RAPGEF2: variants seen among roughly 807,000 people sequenced by gnomAD.
RAPGEF2 encodes PDZ domain containing guanine nucleotide exchange factor (GEF) 1.
In RAPGEF2, 54 loss-of-function variants were observed where a neutral mutation model predicts 186.7. The observed-to-expected ratio is 0.29, with a 90% CI of 0.23 to 0.36. The LOEUF (loss-of-function observed/expected upper bound fraction) is 0.36, where lower values mean the gene tolerates loss of function less well. Among genes scored for constraint, RAPGEF2 ranks in the 10% least tolerant of loss-of-function variants. The pLI, the probability that RAPGEF2 is intolerant of heterozygous loss-of-function variation, is 1.00. For synonymous variants in RAPGEF2, 712 were observed against 705.9 expected (o/e 1.01, Z -0.14); for missense variants, 1,532 against 2,045.0 (o/e 0.75, Z 4.84).
At chr4:159,202,949 A>G (rs756614056) in intron 3 of RAPGEF2, among the ~76,000 whole-genome samples, 2 of 152,138 alleles carry the variant, frequency 1.3e-5, no homozygotes, top group Non-Finnish European at 2.9e-5. Context: ...AAGTTTTCAC[A>G]TTGTATTAAC....
chr4:159,119,647 G>C (rs756027197), intron 1 of RAPGEF2, among the ~76,000 whole-genome samples: 1 of 152,078 alleles, frequency 6.6e-6, no homozygotes, highest in Non-Finnish European at 1.5e-5. Flanking sequence ...TCAACTTCTT[G>C]GTTCGCTTAT....
At position 159,104,489 on chromosome 4, in the gene RAPGEF2, CGAGAGAGAGAGAGAGA is replaced by C. The variant is rs553251268; in HGVS notation, c.69+280_69+295del. Among the ~76,000 whole-genome samples, 34 of 88,802 alleles carry C rather than the reference CGAGAGAGAGAGAGAGA, an allele frequency of 3.8e-4. No homozygotes were observed. In the East Asian group the frequency reaches 4.4e-3, roughly 12 times the overall value. 58.3% of individuals were successfully genotyped at this position (88,802 alleles called of 152,430 possible). On this transcript the variant is annotated intron_variant, in intron 1 of 29. Transcript: ENST00000691494. ...GACCTTTCCCACTATGTTGCCCAGC[CGAGAGAGAGAGAGAGA>C]GAGAGAGAGAGAGAGAGAGAGGGAG... is the stretch of plus-strand genomic sequence containing the variant.
intron 4 of RAPGEF2, among the ~76,000 whole-genome samples, chr4:159,218,563 C>G (rs1464741047): frequency 1.3e-5 from 2 of 152,126 alleles, no homozygotes; most frequent in African/African-American, 4.8e-5. Flanking sequence ...CAAGAACAGC[C>G]TGGCCAACAT....
intron 17 of RAPGEF2, 85 bp from the exon 18 acceptor site, chr4:159,338,226 T>C (rs1767746647): frequency 8.2e-7 from 1 of 1,221,014 alleles, no homozygotes. Context: ...AAATGGAATA[T>C]GGTTTTTGGT....
intron 28 of RAPGEF2, 25 bp downstream of exon 28, chr4:159,354,071 T>C (rs191801508): frequency 1.0e-5 from 16 of 1,526,882 alleles, no homozygotes; most frequent in East Asian, 2.3e-5. Context: ...TGGGGGACTT[T>C]GTCATGTCTG....
At chr4:159,341,483 A>G (rs1380813680) in intron 19 of RAPGEF2, 81 bp from the exon 20 acceptor site, 67 of 1,407,936 alleles carry the variant, frequency 4.8e-5, no homozygotes, top group Non-Finnish European at 6.1e-5. Flanking sequence ...AACTTTCCAT[A>G]AAAAGTAGCA....
chr4:159,264,039 T>C (rs1235271745), intron 7 of RAPGEF2, among the ~76,000 whole-genome samples: 2 of 152,218 alleles, frequency 1.3e-5, no homozygotes, highest in Non-Finnish European at 2.9e-5. Flanking sequence ...GGGGTAAATA[T>C]AACCCAAATT....
At chr4:159,159,550 A>G (rs955606336) in intron 1 of RAPGEF2, among the ~76,000 whole-genome samples, 1 of 150,882 alleles carries the variant, frequency 6.6e-6, no homozygotes, top group Non-Finnish European at 1.5e-5. Context: ...TTAAGTACAT[A>G]TAGTGGGATC....
At chr4:159,223,778 C>T (rs953099102) in intron 4 of RAPGEF2, among the ~76,000 whole-genome samples, 17 of 152,096 alleles carry the variant, frequency 1.1e-4, no homozygotes, top group African/African-American at 3.1e-4. Flanking sequence ...ATCGTGAGAC[C>T]ATTTCTGTTT....
rs1453794742 is a variant in RAPGEF2 at position 159,243,770 on chromosome 4, A to G, written c.526-4A>G. The G allele has an allele frequency of 7.8e-7, 1 of 1,281,696 alleles. No individual in the cohort carries two copies. The highest frequency in any genetic ancestry group is 1.0e-6 in the Non-Finnish European group (1 of 981,666). 79.4% of individuals were successfully genotyped at this position (1,281,696 alleles called of 1,614,324 possible). A position where few individuals can be genotyped will look rare whatever the true frequency, so the allele number is the denominator to read the frequency against. ...TATGGCACTCATTTCATTTTGGCTC[A>G]AAGGAATGCACTAAATCTCAGGTAT... On this transcript the variant is annotated splice_region_variant and splice_polypyrimidine_tract_variant and intron_variant, in intron 6 of 29. Transcript: ENST00000691494.
At chr4:159,264,441 T>C (rs1456243733) in intron 7 of RAPGEF2, among the ~76,000 whole-genome samples, 1 of 152,144 alleles carries the variant, frequency 6.6e-6, no homozygotes, top group African/African-American at 2.4e-5. Flanking sequence ...TCAGATACCA[T>C]CAGCATGGGG....
At chr4:159,240,814 T>G (rs998283286) in intron 5 of RAPGEF2, among the ~76,000 whole-genome samples, 7 of 151,108 alleles carry the variant, frequency 4.6e-5, no homozygotes, top group African/African-American at 9.7e-5. Context: ...AGGGTTTTTT[T>G]TTTTTTTTTT....
intron 7 of RAPGEF2, among the ~76,000 whole-genome samples, chr4:159,291,683 A>G (rs919048002): frequency 1.3e-5 from 2 of 152,352 alleles, no homozygotes; most frequent in South Asian, 2.1e-4. Context: ...TGATAAAGTT[A>G]TATAACCAGT....
chr4:159,126,135 G>GT (rs1245031389), intron 1 of RAPGEF2, among the ~76,000 whole-genome samples: 1 of 152,050 alleles, frequency 6.6e-6, no homozygotes, highest in African/African-American at 2.4e-5. Flanking sequence ...CAATTTTTAT[G>GT]TTTTTTATGA....
chr4:159,329,892 T>C lies in RAPGEF2; in HGVS notation c.1184T>C (p.Ile395Thr). ...VCIAQQDYCR[I>T]LNQVEKNMQK... ...ATAGCCCAGCAAGATTACTGCCGTA[T>C]TCTCAATCAAGTAGAAAAGAACATG... The change falls in exon 12 of 30, where the codon ATT becomes ACT. Residue 395 changes from isoleucine (I) to threonine (T), a missense_variant. Transcript: ENST00000691494. 1 of 1,613,326 alleles carries C rather than the reference T, an allele frequency of 6.2e-7. No individual in the cohort carries two copies. Among genetic ancestry groups the C allele is most frequent in the Non-Finnish European group, 8.5e-7 (1 of 1,179,446 alleles).
Position 159,323,579 on chromosome 4 carries a change from A to G in RAPGEF2, c.1111A>G (p.Met371Val). Residue 371 changes from methionine (M) to valine (V), a missense_variant, in exon 11 of 30, where the codon ATG (methionine) becomes GTG (valine). Met to Val is a conservative substitution (Grantham distance 21, BLOSUM62 1). Transcript: ENST00000691494. ...CTCTCCTACCATGGACAAAGAATAC[A>G]TGAAAGGAGTGATGAGAACAAAGGT... is the stretch of plus-strand genomic sequence containing the variant. ...GVSPTMDKEY[M>V]KGVMRTKVDD... 2.5e-6 allele frequency: 4 copies of G among 1,609,874 alleles called. No individual in the cohort carries two copies. Among genetic ancestry groups the G allele is most frequent in the Non-Finnish European group, 3.4e-6 (4 of 1,177,640 alleles).
intron 4 of RAPGEF2, among the ~76,000 whole-genome samples, chr4:159,227,983 C>A (rs574656483): frequency 6.6e-6 from 1 of 152,248 alleles, no homozygotes; most frequent in South Asian, 2.1e-4. Flanking sequence ...CTTGAAGACT[C>A]AGAGGAGAGC....
chr4:159,347,371 G>T (rs1401806786), intron 25 of RAPGEF2, among the ~76,000 whole-genome samples: 3 of 152,202 alleles, frequency 2.0e-5, no homozygotes, highest in African/African-American at 7.2e-5. Context: ...TAAGTTAAAT[G>T]AATTGTCTGA....
rs775643269 is a variant in RAPGEF2, at chr4:159,341,894, A to G, written c.2865A>G (p.Ile955Met). Residue 955 changes from isoleucine to methionine, a missense_variant, in exon 20 of 30, where the codon ATA becomes ATG. Physicochemically the swap from Ile to Met is conservative, Grantham distance 10. This residue lies in a region of RAPGEF2 where 810 missense variants were observed against 1,210.5 expected (regional missense o/e 0.67). Transcript: ENST00000691494. ...AGATCATTAAGCATTTCATCAAGAT[A>G]GCACTGCACTGTAGGGAATGCAAGA... ...RMKIIKHFIKIALHCRECKNF... is the reference protein window; with the variant it reads ...RMKIIKHFIKMALHCRECKNF... The G allele has an allele frequency of 5.6e-6, 9 of 1,612,636 alleles. No homozygotes were observed. The South Asian group carries it at 7.7e-5, about 14-fold the overall frequency.
Sources: allele counts gnomAD v4.1 joint callset (sites outside exome capture counted in the v4.1 genomes callset), GRCh38; gene constraint gnomAD v4.1.1; regional missense constraint gnomAD v4.1.1; transcripts MANE v1.5; gene names NCBI Gene and HGNC (gene_info 2026-07-23, HGNC 2026-07-21).